Variants in PLEKHA6 observed in about 807,000 individuals in gnomAD.
PLEKHA6 encodes the protein pleckstrin homology domain containing A6, also known as pleckstrin homology domain-containing family A member 6.
PLEKHA6 carries 60 observed loss-of-function variants against 116.7 expected under a neutral mutation model. The ratio of observed to expected loss-of-function variants is 0.51; its 90% CI spans 0.42 to 0.64. The LOEUF is 0.64. Ranked by LOEUF, PLEKHA6 falls within the 30% of genes least tolerant of loss-of-function variation. The pLI is 0.00. For missense variants in PLEKHA6, 1,338 were observed against 1,422.7 expected, an observed-to-expected ratio of 0.94 and a Z score of 0.96; for synonymous variants, 489 against 556.1, an observed-to-expected ratio of 0.88 and a Z score of 1.70.
intron 21 of PLEKHA6, among the ~76,000 whole-genome samples, chr1:204,224,697 G>A (rs1660092353): frequency 6.6e-6 from 1 of 152,144 alleles, no homozygotes; most frequent in Non-Finnish European, 1.5e-5. Flanking sequence ...TACACTCATC[G>A]CACACAGCTC....
At chr1:204,270,321 T>C (rs1310733112) in intron 3 of PLEKHA6, among the ~76,000 whole-genome samples, 6 of 152,206 alleles carry the variant, frequency 3.9e-5, no homozygotes, top group African/African-American at 1.2e-4. Flanking sequence ...TCCATACCCA[T>C]TGCTTGAGCT....
upstream of PLEKHA6, among the ~76,000 whole-genome samples, chr1:204,362,341 C>T (rs1428007918): frequency 6.6e-6 from 1 of 152,158 alleles, no homozygotes; most frequent in East Asian, 1.9e-4. Context: ...CAGAAAGCAC[C>T]TCTGCGATCC....
intron 21 of PLEKHA6, among the ~76,000 whole-genome samples, chr1:204,226,823 CA>C (rs1393842970): frequency 6.6e-6 from 1 of 152,208 alleles, no homozygotes. Flanking sequence ...AAATAATTAG[CA>C]AAATGACAAA....
chr1:204,335,467 A>G (rs560367429), intron 1 of PLEKHA6, among the ~76,000 whole-genome samples: 101 of 152,222 alleles, frequency 6.6e-4, no homozygotes, highest in African/African-American at 2.2e-3. Flanking sequence ...GCTGCACTTC[A>G]GGGCTAGAGA....
intron 1 of PLEKHA6, among the ~76,000 whole-genome samples, chr1:204,334,903 T>C (rs1443830446): frequency 6.6e-6 from 1 of 151,840 alleles, no homozygotes. Flanking sequence ...GTCTAAAAAA[T>C]AAAATAAAAT....
At chr1:204,328,144 G>A (rs898970503) in intron 1 of PLEKHA6, among the ~76,000 whole-genome samples, 3 of 151,320 alleles carry the variant, frequency 2.0e-5, no homozygotes, top group Non-Finnish European at 4.4e-5. Flanking sequence ...GTGCAGAGGC[G>A]TGATCTCGGC....
chr1:204,255,077 A>G (rs1665094712), intron 9 of PLEKHA6, among the ~76,000 whole-genome samples: 1 of 152,214 alleles, frequency 6.6e-6, no homozygotes, highest in South Asian at 2.1e-4. Flanking sequence ...AATTCTCAGG[A>G]ATGCACGAGC....
At chr1:204,322,022 T>C (rs577948644) in intron 1 of PLEKHA6, among the ~76,000 whole-genome samples, 42 of 152,350 alleles carry the variant, frequency 2.8e-4, no homozygotes, top group South Asian at 1.9e-3. Flanking sequence ...CCACCACCAC[T>C]TGTGGAGCAG....
intron 1 of PLEKHA6, among the ~76,000 whole-genome samples, chr1:204,342,667 C>A (rs1672889638): frequency 6.6e-6 from 1 of 152,174 alleles, no homozygotes; most frequent in Non-Finnish European, 1.5e-5. Flanking sequence ...ATTTAGAGAG[C>A]CCCAGAGGTT....
chr1:204,253,185 G>A (rs1664797425), intron 9 of PLEKHA6, among the ~76,000 whole-genome samples: 1 of 152,164 alleles, frequency 6.6e-6, no homozygotes, highest in African/African-American at 2.4e-5. Context: ...TGCGATGCCT[G>A]ACAAAGAGCT....
intron 1 of PLEKHA6, among the ~76,000 whole-genome samples, chr1:204,305,289 T>A (rs911146252): frequency 6.6e-6 from 1 of 152,160 alleles, no homozygotes; most frequent in Non-Finnish European, 1.5e-5. Flanking sequence ...TAAAGGAAAG[T>A]GCGTGCATTG....
At position 204,292,424 on chromosome 1, in the gene PLEKHA6, C is replaced by A. The variant is rs184562731; in HGVS notation, c.-94-17615G>T. Among the ~76,000 whole-genome samples the A allele has an allele frequency of 2.6e-5, 4 of 152,200 alleles. No individual in the cohort carries two copies. In the South Asian group the frequency reaches 8.3e-4, roughly 31 times the overall value. Reference sequence around the variant, plus strand: ...TCAGTCCGAAGCTCTTTCCTCAGGGCCACAAGGAGCTGCCCCGACCTGGCT... The same window carrying A: ...TCAGTCCGAAGCTCTTTCCTCAGGGACACAAGGAGCTGCCCCGACCTGGCT... On this transcript the variant is annotated intron_variant, in intron 1 of 22. Coordinates refer to ENST00000272203, the MANE Select transcript of PLEKHA6 (RefSeq NM_014935.5).
At chr1:204,248,726 G>T in intron 12 of PLEKHA6, 95 bp downstream of exon 12, 1 of 1,183,214 alleles carries the variant, frequency 8.5e-7, no homozygotes, top group Non-Finnish European at 1.2e-6. Flanking sequence ...TGTCCTCTGA[G>T]GAAAACTGGA....
chr1:204,362,926 G>A (rs1041597352), upstream of PLEKHA6, among the ~76,000 whole-genome samples: 40 of 152,206 alleles, frequency 2.6e-4, no homozygotes, highest in Non-Finnish European at 1.0e-4. Context: ...TGACTATCCA[G>A]CCTGTTTTCC....
Position 204,228,208 on chromosome 1 carries a change from A to G in PLEKHA6, c.2906T>C (p.Ile969Thr), listed in dbSNP as rs376064147. 83 of 1,609,336 alleles carry G rather than the reference A, an allele frequency of 5.2e-5. No homozygotes were observed. Among genetic ancestry groups the G allele is most frequent in the East Asian group, 4.5e-4 (20 of 44,694 alleles). Residue 969 changes from isoleucine to threonine, a missense_variant, in exon 21 of 23, where the codon ATC (isoleucine) becomes ACC (threonine). Ile to Thr is a moderately conservative substitution (Grantham distance 89). Transcript: ENST00000272203. The surrounding 1 kb of genome is among the most constrained non-coding windows in gnomAD (Gnocchi z 4.0). ...AKSSMQNVVP[I>T]GEGDSVDVPQ... Reference sequence around the variant, plus strand: ...CACGTCCACAGAGTCCCCCTCGCCGATGGGCACCACGTTCTGCATACTGAA... The same window carrying G: ...CACGTCCACAGAGTCCCCCTCGCCGGTGGGCACCACGTTCTGCATACTGAA...
chr1:204,360,386 C>G (rs867976940), upstream of PLEKHA6, among the ~76,000 whole-genome samples: 2 of 145,490 alleles, frequency 1.4e-5, no homozygotes, highest in African/African-American at 2.4e-5. Context: ...ATCCCCCGCC[C>G]CCCCCCCAAT....
intron 1 of PLEKHA6, among the ~76,000 whole-genome samples, chr1:204,334,481 T>A (rs1672569760): frequency 6.6e-6 from 1 of 152,242 alleles, no homozygotes. Context: ...TGATTGCATC[T>A]ATTTATGGGG....
At position 204,317,244 on chromosome 1, in the gene PLEKHA6, A is replaced by G. The variant is rs1019313613; in HGVS notation, c.-94-42435T>C. 43 of 974,514 alleles carry G rather than the reference A, an allele frequency of 4.4e-5. No homozygotes were observed. The African/African-American group carries it at 7.2e-4, about 16-fold the overall frequency. The allele number at this position is 974,514 out of a possible 1,614,324, so 60.4% of individuals were successfully genotyped here. ...TCCAGGCCTAAAGAGGCCCTCAGGG[A>G]CAGCTAGCAGCCCTGGGTCCTAGCT... On this transcript the variant is annotated intron_variant, in intron 1 of 22. Transcript: ENST00000272203.
chr1:204,355,973 G>GCA (rs762932253), intron 1 of PLEKHA6, among the ~76,000 whole-genome samples: 199 of 71,620 alleles, frequency 2.8e-3, no homozygotes, highest in Admixed American at 7.7e-3. Context: ...GATGCTCATG[G>GCA]CACACACACA....
Sources: gnomAD v4.1 joint callset for allele counts (sites outside exome capture counted in the v4.1 genomes callset) on GRCh38, gnomAD v4.1.1 for gene constraint, Gnocchi (gnomAD v3.1) non-coding constraint, MANE v1.5 for transcripts, NCBI Gene and HGNC (gene_info 2026-07-23, HGNC 2026-07-21) for gene names.